RASSF4: variants seen among roughly 807,000 people sequenced by gnomAD.
The protein encoded by RASSF4 is Ras association domain family member 4, also known as ras association domain-containing protein 4.
A neutral mutation model predicts 41.1 loss-of-function variants in RASSF4; 38 were observed. The ratio of observed to expected loss-of-function variants is 0.92; its 90% CI spans 0.71 to 1.21. The LOEUF (loss-of-function observed/expected upper bound fraction) is 1.21. Among genes scored for constraint, RASSF4 ranks in the 50% most tolerant of loss-of-function variants. The pLI is 0.00. For synonymous variants in RASSF4, 179 were observed against 163.4 expected, an observed-to-expected ratio of 1.10 and a Z score of -0.73; for missense variants, 414 against 419.4, an observed-to-expected ratio of 0.99 and a Z score of 0.11.
chr10:44,990,358 G>A (rs1425788997), intron 8 of RASSF4, among the ~76,000 whole-genome samples: 1 of 152,234 alleles, frequency 6.6e-6, no homozygotes, highest in African/African-American at 2.4e-5. Context: ...CTTGCATCAT[G>A]CATGCCCTTT....
At position 44,984,024 on chromosome 10, in the gene RASSF4, A is replaced by G. The variant is rs773443213; in HGVS notation, c.284A>G (p.Lys95Arg). Residue 95 changes from lysine to arginine, a missense_variant and splice_region_variant, in exon 5 of 11, where the codon AAG (lysine) becomes AGG (arginine). Coordinates refer to ENST00000340258, the MANE Select transcript of RASSF4 (RefSeq NM_032023.4). ...GCCCTGCAGTTGTCTGTTTTCAGAA[A>G]GGAGCCATCGCCCCAGAACGGGAAC... Reference protein sequence around the residue: ...WMPRRPSCPLKEPSPQNGNIT... With the variant: ...WMPRRPSCPLREPSPQNGNIT... 3.1e-6 allele frequency: 5 copies of G among 1,597,026 alleles called. No individual in the cohort carries two copies. Among genetic ancestry groups the G allele is most frequent in the African/African-American group, 2.7e-5 (2 of 74,666 alleles).
intron 3 of RASSF4, 131 bp downstream of exon 3, chr10:44,971,979 TATA>T (rs1181347937): frequency 4.7e-6 from 3 of 638,950 alleles, no homozygotes; most frequent in Non-Finnish European, 8.2e-6. Context: ...GACAATAAGT[TATA>T]TGGTCACTCT....
At chr10:44,977,346 A>T (rs1010069408) in intron 3 of RASSF4, 1 of 1,515,686 alleles carries the variant, frequency 6.6e-7, no homozygotes. Flanking sequence ...ACGAGAGGAG[A>T]TGCAGACCCA....
chr10:44,979,374 G>A (rs1841604450), intron 3 of RASSF4, among the ~76,000 whole-genome samples: 1 of 152,220 alleles, frequency 6.6e-6, no homozygotes. Context: ...AGGTGCTAGT[G>A]TGTGCTGTGA....
intron 9 of RASSF4, 116 bp downstream of exon 9, chr10:44,991,185 C>A: frequency 9.9e-7 from 1 of 1,010,494 alleles, no homozygotes; most frequent in Non-Finnish European, 1.4e-6. Flanking sequence ...AGGAGCTCCA[C>A]ACTCTCCCAA....
At chr10:44,978,995 A>C (rs3818713) in intron 3 of RASSF4, among the ~76,000 whole-genome samples, 2,939 of 152,284 alleles carry the variant, frequency 0.019, 82 homozygotes, top group East Asian at 0.14. Context: ...TTTACGCTGC[A>C]GGGCAGGAAA....
chr10:44,974,627 C>CCT (rs1365713950), intron 3 of RASSF4, among the ~76,000 whole-genome samples: 1 of 152,014 alleles, frequency 6.6e-6, no homozygotes, highest in South Asian at 2.1e-4. Context: ...AAGAGACCCC[C>CCT]CCGTGTTGTC....
At chr10:44,984,375 A>G (rs1260799597) in intron 5 of RASSF4, 8 of 531,400 alleles carry the variant, frequency 1.5e-5, no homozygotes, top group African/African-American at 7.6e-5. Context: ...TGTGTGTGCT[A>G]TGGGAAACAG....
At position 44,994,796 on chromosome 10, in the gene RASSF4, A is replaced by C; in HGVS notation, c.*1467A>C. 1 of 144,938 alleles carries C rather than the reference A, an allele frequency of 6.9e-6. No homozygotes were observed. Among genetic ancestry groups the C allele is most frequent in the Non-Finnish European group, 1.5e-5 (1 of 67,176 alleles). 9.0% of individuals were successfully genotyped at this position (144,938 alleles called of 1,614,324 possible). On this transcript the variant is annotated 3_prime_UTR_variant, in exon 11 of 11. Transcript: ENST00000340258. ...CCCGGCTCTAACTTCTGAAACTCTT[A>C]TCCTAAAGGATGTGTGGCCATGTTT...
chr10:44,970,441 A>G, intron 2 of RASSF4, 177 bp downstream of exon 2: 2 of 595,186 alleles, frequency 3.4e-6, no homozygotes, highest in Non-Finnish European at 3.0e-6. Context: ...TCCCCAAGCT[A>G]CACATGACCA....
chr10:44,971,908 C>A, intron 3 of RASSF4, 60 bp downstream of exon 3: 2 of 1,212,946 alleles, frequency 1.6e-6, no homozygotes, highest in Non-Finnish European at 2.4e-6. Context: ...CTGCCTGATA[C>A]CTGTTGTTTC....
intron 9 of RASSF4, 144 bp from the exon 10 acceptor site, chr10:44,991,761 G>A: frequency 1.6e-6 from 1 of 620,204 alleles, no homozygotes; most frequent in East Asian, 2.7e-5. Context: ...ACACAGCAGT[G>A]TGGGGGTGGG....
chr10:44,983,812 T>C, intron 4 of RASSF4: 1 of 765,124 alleles, frequency 1.3e-6, no homozygotes, highest in Non-Finnish European at 2.0e-6. Context: ...AGGGCCAGGC[T>C]CACTCTCCGT....
At chr10:44,972,108 G>A (rs1445423166) in intron 3 of RASSF4, among the ~76,000 whole-genome samples, 1 of 152,094 alleles carries the variant, frequency 6.6e-6, no homozygotes, top group Non-Finnish European at 1.5e-5. Context: ...TCACCTTGGG[G>A]GTCTTCCCCC....
chr10:44,991,450 C>T (rs1842110374), intron 9 of RASSF4: 1 of 201,658 alleles, frequency 5.0e-6, no homozygotes, highest in Non-Finnish European at 1.0e-5. Context: ...GTCTTACCAA[C>T]AGCCTGAGTT....
intron 1 of RASSF4, among the ~76,000 whole-genome samples, chr10:44,960,561 C>G (rs1397093977): frequency 2.0e-5 from 3 of 152,194 alleles, no homozygotes; most frequent in African/African-American, 7.2e-5. Flanking sequence ...GACTCCGGTC[C>G]CATCCTGCAC....
intron 3 of RASSF4, among the ~76,000 whole-genome samples, chr10:44,975,426 C>A (rs1841370169): frequency 7.0e-6 from 1 of 143,300 alleles, no homozygotes; most frequent in African/African-American, 2.6e-5. Flanking sequence ...CGCCTCCCAT[C>A]CCCACCTTCC....
chr10:44,991,225 C>T, intron 9 of RASSF4, 156 bp downstream of exon 9: 5 of 570,316 alleles, frequency 8.8e-6, no homozygotes, highest in Non-Finnish European at 1.1e-5. Flanking sequence ...AGGGAGGCGC[C>T]AGCCCTCCCT....
At chr10:44,979,611 G>GA (rs141553020) in intron 3 of RASSF4, among the ~76,000 whole-genome samples, 2,520 of 152,092 alleles carry the variant, frequency 0.017, 56 homozygotes, top group African/African-American at 0.056. Flanking sequence ...GCAGAAACCT[G>GA]AAAAAAATGG....
Sources: gnomAD v4.1 joint callset for allele counts (sites outside exome capture counted in the v4.1 genomes callset) on GRCh38, gnomAD v4.1.1 for gene constraint, MANE v1.5 for transcripts, NCBI Gene and HGNC (gene_info 2026-07-23, HGNC 2026-07-21) for gene names.